RBM4: variants seen among roughly 807,000 people sequenced by gnomAD.
RBM4 encodes the protein RNA binding motif protein 4.
Under a neutral mutation model 29.5 loss-of-function variants are expected in RBM4, and 7 were observed. That is an observed-to-expected ratio of 0.24 (90% CI 0.14 to 0.45). The LOEUF (loss-of-function observed/expected upper bound fraction) is 0.45, where lower values mean the gene tolerates loss of function less well. Ranked by LOEUF, RBM4 falls within the 20% of genes least tolerant of loss-of-function variation. The pLI is 1.00. For synonymous variants in RBM4, 220 were observed against 205.4 expected, an observed-to-expected ratio of 1.07 and a Z score of -0.61; for missense variants, 387 against 502.3, an observed-to-expected ratio of 0.77 and a Z score of 2.19.
intron 2 of RBM4, chr11:66,665,779 CTA>C: frequency 3.0e-6 from 4 of 1,348,018 alleles, no homozygotes; most frequent in Non-Finnish European, 4.0e-6. Flanking sequence ...CCACTTATGG[CTA>C]TATATATAGG....
intron 2 of RBM4, among the ~76,000 whole-genome samples, chr11:66,657,004 A>C (rs779374857): frequency 6.6e-6 from 1 of 151,966 alleles, no homozygotes; most frequent in Non-Finnish European, 1.5e-5. Flanking sequence ...GATGGTTACA[A>C]TCTTGTTCCC....
At chr11:66,663,135 T>G (rs181159046) in intron 2 of RBM4, among the ~76,000 whole-genome samples, 3 of 152,352 alleles carry the variant, frequency 2.0e-5, no homozygotes, top group Admixed American at 2.0e-4. Context: ...AAAGCTTAAG[T>G]AGAGTTGAGT....
At chr11:66,649,960 A>G (rs1434467773), downstream of RBM4, 8 of 525,246 alleles carry the variant, frequency 1.5e-5, no homozygotes, top group Admixed American at 3.8e-5. Context: ...CTGTCTAGTA[A>G]ATGTCTAGCT....
intron 2 of RBM4, among the ~76,000 whole-genome samples, chr11:66,655,833 CT>C (rs1938938964): frequency 6.6e-6 from 1 of 151,984 alleles, no homozygotes; most frequent in South Asian, 2.1e-4. Context: ...TCTGAGTCAA[CT>C]AGTCTTGTAG....
chr11:66,659,263 C>CTTTTTT (rs767959263), intron 2 of RBM4, among the ~76,000 whole-genome samples: 116 of 67,318 alleles, frequency 1.7e-3, no homozygotes, highest in Non-Finnish European at 2.0e-3. Flanking sequence ...CTTCTTGGTT[C>CTTTTTT]TTTTTTTTTT....
chr11:66,639,751 A>G lies in RBM4; in HGVS notation c.40A>G (p.Thr14Ala). 6.2e-7 allele frequency: 1 copy of G among 1,614,162 alleles called. No homozygotes were observed. Among genetic ancestry groups the G allele is most frequent in the Non-Finnish European group, 8.5e-7 (1 of 1,180,000 alleles). ...LFIGNLPREATEQEIRSLFEQ... is the reference protein window; with the variant it reads ...LFIGNLPREAAEQEIRSLFEQ... The stretch of plus-strand genomic sequence containing the variant: ...CATCGGAAACCTGCCCCGGGAGGCT[A>G]CAGAGCAGGAGATTCGCTCACTCTT... Residue 14 changes from threonine to alanine, a missense_variant, in exon 2 of 4, where the codon ACA becomes GCA. Around this residue, in one of 2 missense-constraint regions of RBM4, gnomAD observed 106 missense variants for 213.6 expected, o/e 0.50. Transcript: ENST00000310092.
chr11:66,658,019 C>G (rs1938986958), intron 2 of RBM4, among the ~76,000 whole-genome samples: 1 of 151,756 alleles, frequency 6.6e-6, no homozygotes, highest in African/African-American at 2.4e-5. Flanking sequence ...CTAGTCTGAC[C>G]CTTTTTTAAA....
At chr11:66,656,863 G>T (rs1175645917) in intron 2 of RBM4, among the ~76,000 whole-genome samples, 2 of 151,966 alleles carry the variant, frequency 1.3e-5, no homozygotes, top group African/African-American at 2.4e-5. Flanking sequence ...GTTTCACCAT[G>T]TTGGCCAGGC....
At chr11:66,658,892 G>A (rs1277400598) in intron 2 of RBM4, among the ~76,000 whole-genome samples, 1 of 150,618 alleles carries the variant, frequency 6.6e-6, no homozygotes, top group Non-Finnish European at 1.5e-5. Context: ...AGCCAAGATT[G>A]GGCCACGGCA....
chr11:66,659,263 C>CG (rs1939026856), intron 2 of RBM4, among the ~76,000 whole-genome samples: 1 of 67,310 alleles, frequency 1.5e-5, no homozygotes, highest in Non-Finnish European at 2.7e-5. Flanking sequence ...CTTCTTGGTT[C>CG]TTTTTTTTTT....
Position 66,643,360 on chromosome 11 carries a change from A to G in RBM4, c.413-90A>G. ...TGAGTCCTGCATTAGAATTGTCTAG[A>G]TAAAGCCATTGCTATGACCAGTGTC... On this transcript the variant is annotated intron_variant, in intron 2 of 3. Transcript: ENST00000310092. This position sits in a 1 kb window ranked among gnomAD's most constrained non-coding sequence, Gnocchi z 6.1. 2.0e-6 allele frequency: 3 copies of G among 1,482,216 alleles called. No individual in the cohort carries two copies. The highest frequency in any genetic ancestry group is 2.7e-6 in the Non-Finnish European group (3 of 1,104,682). 91.8% of individuals were successfully genotyped at this position (1,482,216 alleles called of 1,614,324 possible). A position where few individuals can be genotyped will look rare whatever the true frequency, so the allele number is the denominator to read the frequency against.
intron 2 of RBM4, among the ~76,000 whole-genome samples, chr11:66,642,322 C>G (rs1468692537): frequency 6.6e-6 from 1 of 152,204 alleles, no homozygotes; most frequent in Non-Finnish European, 1.5e-5. Flanking sequence ...TTAGGTGCAT[C>G]ATAACCAATT....
At chr11:66,652,598 C>T (rs866805796) in intron 2 of RBM4, among the ~76,000 whole-genome samples, 1 of 152,128 alleles carries the variant, frequency 6.6e-6, no homozygotes, top group Admixed American at 6.6e-5. Context: ...TTTGTCAAGC[C>T]AGATTATGAT....
exon 3 of RBM4, chr11:66,665,884 C>T: frequency 6.5e-7 from 1 of 1,535,002 alleles, no homozygotes; most frequent in Non-Finnish European, 8.7e-7. Context: ...CAGAAGGCTA[C>T]TGTTGCTGTA....
Position 66,646,024 on chromosome 11 carries a change from C to T in RBM4, c.*9-3C>T. On this transcript the variant is annotated splice_region_variant and splice_polypyrimidine_tract_variant and intron_variant, in intron 3 of 3. Transcript: ENST00000310092. ...AAAGCCGCTGTATTGTGCTCTCTTT[C>T]AGGTGGGATGTGTGTGGGCTGAAAT... 1 of 1,536,130 alleles carries T rather than the reference C, an allele frequency of 6.5e-7. No homozygotes were observed. The highest frequency in any genetic ancestry group is 8.7e-7 in the Non-Finnish European group (1 of 1,146,912).
rs766649930 is a variant in RBM4, at chr11:66,639,723, G to T, written c.12G>T (p.Leu4=). The change falls in exon 2 of 4, where the codon CTG becomes CTT. Residue 4 remains leucine (L), a synonymous_variant. Transcript: ENST00000310092. ...AGGCTCTTGTCAGGATGGTGAAGCTGTTCATCGGAAACCTGCCCCGGGAGG... is the reference window on the plus strand; with the variant it reads ...AGGCTCTTGTCAGGATGGTGAAGCTTTTCATCGGAAACCTGCCCCGGGAGG... MVK[L]FIGNLPREAT... The T allele has an allele frequency of 2.5e-6, 4 of 1,613,652 alleles. No homozygotes were observed. Among genetic ancestry groups the T allele is most frequent in the Non-Finnish European group, 3.4e-6 (4 of 1,179,682 alleles).
rs894360536 is a variant in RBM4 at position 66,646,458 on chromosome 11, T to C, written c.*440T>C. Reference sequence around the variant, plus strand: ...TTTTCTTTCCGGTGAAATAAATGGTTTTTCAACTTAGGGTATGTGTGCTTT... The same window carrying C: ...TTTTCTTTCCGGTGAAATAAATGGTCTTTCAACTTAGGGTATGTGTGCTTT... On this transcript the variant is annotated 3_prime_UTR_variant, in exon 4 of 4. Coordinates refer to ENST00000310092, the MANE Select transcript of RBM4 (RefSeq NM_002896.4). 2.0e-6 allele frequency: 2 copies of C among 1,008,042 alleles called. No individual in the cohort carries two copies. Among genetic ancestry groups the C allele is most frequent in the Non-Finnish European group, 2.4e-6 (2 of 844,534 alleles). 62.4% of individuals were successfully genotyped at this position (1,008,042 alleles called of 1,614,324 possible).
intron 2 of RBM4, among the ~76,000 whole-genome samples, chr11:66,662,187 A>G (rs543849777): frequency 6.6e-6 from 1 of 152,328 alleles, no homozygotes; most frequent in South Asian, 2.1e-4. Flanking sequence ...CACTAGCTAC[A>G]TGTAGCTAAT....
intron 2 of RBM4, among the ~76,000 whole-genome samples, chr11:66,660,129 CTTTTTTTTTT>C (rs778565169): frequency 2.4e-5 from 3 of 127,434 alleles, no homozygotes; most frequent in African/African-American, 8.8e-5. Flanking sequence ...GCCTCAGGGC[CTTTTTTTTTT>C]TTTTTTTTTT....
Sources: allele counts gnomAD v4.1 joint callset (sites outside exome capture counted in the v4.1 genomes callset), GRCh38; gene constraint gnomAD v4.1.1; regional missense constraint gnomAD v4.1.1; non-coding constraint Gnocchi (gnomAD v3.1); transcripts MANE v1.5; gene names NCBI Gene and HGNC (gene_info 2026-07-23, HGNC 2026-07-21).